Variants in PDE1A observed in about 807,000 individuals in gnomAD.
The protein encoded by PDE1A is dual specificity calcium/calmodulin-dependent 3',5'-cyclic nucleotide phosphodiesterase 1A.
In PDE1A, 35 loss-of-function variants were observed where a neutral mutation model predicts 61.7. The ratio of observed to expected loss-of-function variants is 0.57; its 90% CI spans 0.43 to 0.75. The LOEUF (loss-of-function observed/expected upper bound fraction) is 0.75. Ranked by LOEUF, PDE1A falls within the 30% of genes least tolerant of loss-of-function variation. The pLI, the probability that PDE1A is intolerant of heterozygous loss-of-function variation, is 0.00. For synonymous variants in PDE1A, 232 were observed against 213.2 expected (o/e 1.09, Z -0.77); for missense variants, 597 against 630.6 (o/e 0.95, Z 0.57).
At chr2:182,542,123 GATTA>G in the PDE1A span, among the ~76,000 whole-genome samples, 1 of 151,952 alleles carries the variant, frequency 6.6e-6, no homozygotes, top group Non-Finnish European at 1.5e-5. Context: ...GCTTTTATTA[GATTA>G]TTTTAAAATC....
chr2:182,394,381 C>T (rs1701585873), intron 1 of PDE1A, among the ~76,000 whole-genome samples: 1 of 152,278 alleles, frequency 6.6e-6, no homozygotes, highest in Admixed American at 6.5e-5. Flanking sequence ...ATCACCAAAA[C>T]AGCATGGGAA....
At chr2:182,655,728 G>T in the PDE1A span, among the ~76,000 whole-genome samples, 1 of 152,124 alleles carries the variant, frequency 6.6e-6, no homozygotes, top group Non-Finnish European at 1.5e-5. Flanking sequence ...AGTAGGTGGG[G>T]GTCACCTCTG....
intron 1 of PDE1A, chr2:182,314,688 GA>G (rs1429333508): frequency 6.6e-6 from 1 of 152,096 alleles, no homozygotes; most frequent in Non-Finnish European, 1.5e-5. Context: ...GGAGGCCAGA[GA>G]AAAAACAAAG....
chr2:182,304,552 C>A (rs1695455753), intron 1 of PDE1A, among the ~76,000 whole-genome samples: 1 of 152,184 alleles, frequency 6.6e-6, no homozygotes, highest in African/African-American at 2.4e-5. Context: ...TTAATCATTT[C>A]TAGCTTATGA....
exon 3 of PDE1A, chr2:182,240,152 C>T (rs763166226): frequency 6.2e-6 from 10 of 1,613,858 alleles, no homozygotes; most frequent in East Asian, 2.2e-5. Flanking sequence ...CACAATGCTC[C>T]GAAATTTTGG....
chr2:182,173,519 G>A (rs571643877), intron 13 of PDE1A, among the ~76,000 whole-genome samples: 2 of 151,336 alleles, frequency 1.3e-5, no homozygotes, highest in African/African-American at 2.4e-5. Flanking sequence ...AAGCTGAAGA[G>A]GTTAAATTGG....
chr2:182,506,580 C>G (rs1228067605), intron 2 of PDE1A, among the ~76,000 whole-genome samples: 1 of 152,144 alleles, frequency 6.6e-6, no homozygotes, highest in Non-Finnish European at 1.5e-5. Flanking sequence ...TGTTTCAGAG[C>G]TTATGAATGT....
the PDE1A span, among the ~76,000 whole-genome samples, chr2:182,627,169 A>ATT: frequency 7.1e-3 from 149 of 21,034 alleles, 19 homozygotes; most frequent in Admixed American, 7.6e-3. Context: ...AAATATAAAT[A>ATT]ATATTTATAT....
intron 2 of PDE1A, among the ~76,000 whole-genome samples, chr2:182,485,626 A>G (rs1687971725): frequency 6.6e-6 from 1 of 152,202 alleles, no homozygotes. Flanking sequence ...CTAACAACAT[A>G]TAAAAGAATG....
chr2:182,152,058 A>G (rs1168408118), intron 13 of PDE1A, among the ~76,000 whole-genome samples: 1 of 152,180 alleles, frequency 6.6e-6, no homozygotes, highest in African/African-American at 2.4e-5. Context: ...ATACCACAAA[A>G]TTGGTTTGTG....
At chr2:182,321,557 T>C (rs887289414) in intron 1 of PDE1A, among the ~76,000 whole-genome samples, 2 of 152,114 alleles carry the variant, frequency 1.3e-5, no homozygotes, top group Non-Finnish European at 2.9e-5. Context: ...GGATCAAAGA[T>C]GAGAGAGAGG....
At chr2:182,373,141 G>T (rs892406407) in intron 1 of PDE1A, among the ~76,000 whole-genome samples, 2 of 152,178 alleles carry the variant, frequency 1.3e-5, no homozygotes, top group African/African-American at 4.8e-5. Flanking sequence ...GGGCTTCAAT[G>T]ATTTACTTGA....
At chr2:182,299,617 G>A (rs1278077883) in intron 1 of PDE1A, among the ~76,000 whole-genome samples, 1 of 151,512 alleles carries the variant, frequency 6.6e-6, no homozygotes, top group African/African-American at 2.4e-5. Context: ...CAAATTTAAT[G>A]AAACAACAGC....
At chr2:182,496,507 CTCAT>C (rs1688723443) in intron 2 of PDE1A, among the ~76,000 whole-genome samples, 1 of 152,172 alleles carries the variant, frequency 6.6e-6, no homozygotes, top group Non-Finnish European at 1.5e-5. Flanking sequence ...TTTAGGTTGA[CTCAT>C]TCTATTTGGA....
At chr2:182,508,609 C>A (rs188923053) in intron 2 of PDE1A, among the ~76,000 whole-genome samples, 2 of 151,404 alleles carry the variant, frequency 1.3e-5, no homozygotes, top group South Asian at 2.1e-4. Flanking sequence ...ACCTAAGGAG[C>A]CACAAATAAA....
chr2:182,569,273 A>ATATG, the PDE1A span, among the ~76,000 whole-genome samples: 2 of 150,272 alleles, frequency 1.3e-5, no homozygotes, highest in African/African-American at 4.9e-5. Context: ...ATATATATAT[A>ATATG]TATGTATTTC....
intron 1 of PDE1A, among the ~76,000 whole-genome samples, chr2:182,393,389 T>G (rs919268463): frequency 4.6e-5 from 7 of 152,124 alleles, no homozygotes; most frequent in Non-Finnish European, 1.0e-4. Context: ...AACCTTTTTT[T>G]TTTTTTCCTA....
At chr2:182,185,984 G>A (rs1277731579) in exon 13 of PDE1A, 8 of 1,614,040 alleles carry the variant, frequency 5.0e-6, no homozygotes, top group Non-Finnish European at 6.8e-6. Context: ...TGCTGCAAGG[G>A]AGTAGTCTGG....
intron 1 of PDE1A, among the ~76,000 whole-genome samples, chr2:182,270,064 T>A (rs1054752952): frequency 1.3e-5 from 2 of 152,168 alleles, no homozygotes; most frequent in Non-Finnish European, 2.9e-5. Context: ...CTTTGATAAT[T>A]CCTAAGACTT....
Sources: gnomAD v4.1 joint callset for allele counts (sites outside exome capture counted in the v4.1 genomes callset) on GRCh38, gnomAD v4.1.1 for gene constraint, MANE v1.5 for transcripts, NCBI Gene and HGNC (gene_info 2026-07-23, HGNC 2026-07-21) for gene names.